Variants in CEP85 observed in about 807,000 individuals in gnomAD.
CEP85 encodes the protein centrosomal protein 85.
CEP85 carries 58 observed loss-of-function variants against 93.7 expected under a neutral mutation model. The ratio of observed to expected loss-of-function variants is 0.62; its 90% CI spans 0.50 to 0.77. The LOEUF (loss-of-function observed/expected upper bound fraction) is 0.77. Among genes scored for constraint, CEP85 ranks in the 30% least tolerant of loss-of-function variants. The probability of loss-of-function intolerance (pLI) is 0.00; values close to 1 mark genes in which losing one functional copy is unlikely to be tolerated. For synonymous variants in CEP85, 314 were observed against 338.6 expected (o/e 0.93, Z 0.80); for missense variants, 868 against 922.0 (o/e 0.94, Z 0.76).
At chr1:26,254,175 C>T (rs2089660686) in intron 3 of CEP85, among the ~76,000 whole-genome samples, 1 of 152,182 alleles carries the variant, frequency 6.6e-6, no homozygotes, top group South Asian at 2.1e-4. Context: ...GGAACGAGTA[C>T]TGAATATAGT....
At chr1:26,257,307 T>C (rs950982609) in intron 4 of CEP85, among the ~76,000 whole-genome samples, 1 of 152,168 alleles carries the variant, frequency 6.6e-6, no homozygotes, top group Non-Finnish European at 1.5e-5. Context: ...CTTCCTTGGT[T>C]GGTGAGGACA....
chr1:26,246,227 G>A (rs1029367580), intron 3 of CEP85, among the ~76,000 whole-genome samples: 14 of 152,158 alleles, frequency 9.2e-5, no homozygotes, highest in African/African-American at 3.4e-4. Flanking sequence ...TTCCTGACCC[G>A]ATAGTTCTAC....
In CEP85 at chr1:26,255,367, C is replaced by G; in HGVS notation, c.405C>G (p.Leu135=). ...ESVGMTRNGD[L]GAMKHSPGLS... is the part of the protein sequence containing the mutation. ...TGGGAATGACAAGAAATGGAGACCT[C>G]GGTGCAATGAAACATTCTCCAGGCC... is the stretch of plus-strand genomic sequence containing the variant. Residue 135 remains leucine (L), a synonymous_variant, in exon 4 of 14, where the codon CTC becomes CTG. Coordinates refer to ENST00000451429, the MANE Select transcript of CEP85 (RefSeq NM_001319944.2). 1 of 1,614,040 alleles carries G rather than the reference C, an allele frequency of 6.2e-7. No individual in the cohort carries two copies. Among genetic ancestry groups the G allele is most frequent in the South Asian group, 1.1e-5 (1 of 91,066 alleles).
At chr1:26,254,144 G>A (rs563285427) in intron 3 of CEP85, among the ~76,000 whole-genome samples, 18 of 152,226 alleles carry the variant, frequency 1.2e-4, no homozygotes, top group Non-Finnish European at 2.2e-4. Context: ...GCTCTTCTCC[G>A]TGGTAGATAT....
rs933530885 is a variant in CEP85, at chr1:26,255,639, A to G, written c.677A>G (p.Lys226Arg). 6.2e-7 allele frequency: 1 copy of G among 1,614,126 alleles called. No homozygotes were observed. The highest frequency in any genetic ancestry group is 8.5e-7 in the Non-Finnish European group (1 of 1,180,028). ...TTGTACAGAGTGTTGCCTGAGGCCA[A>G]GAAGGCACCGGGCAGCGGGGCAGTG... ...KELYRVLPEA[K>R]KAPGSGAVFE... The change falls in exon 4 of 14, where the codon AAG (lysine) becomes AGG (arginine). Residue 226 changes from lysine to arginine, a missense_variant. Lys to Arg is a conservative substitution (Grantham distance 26). Coordinates refer to ENST00000451429, the MANE Select transcript of CEP85 (RefSeq NM_001319944.2).
intron 2 of CEP85, 23 bp from the exon 3 acceptor site, chr1:26,244,143 G>T (rs1341422537): frequency 6.2e-7 from 1 of 1,609,666 alleles, no homozygotes; most frequent in South Asian, 1.1e-5. Context: ...CACAGTAAAG[G>T]TGGGAAATGC....
At chr1:26,250,925 CTTTTTTCTTTTTTTTTT>C (rs2089599772) in intron 3 of CEP85, among the ~76,000 whole-genome samples, 3 of 55,160 alleles carry the variant, frequency 5.4e-5, no homozygotes, top group Admixed American at 2.4e-4. Context: ...TTTTTTTTTT[CTTTTTTCTTTTTTTTTT>C]TTTTTTTTTT....
intron 7 of CEP85, among the ~76,000 whole-genome samples, chr1:26,263,592 C>T (rs1032866944): frequency 1.3e-5 from 2 of 152,028 alleles, no homozygotes; most frequent in African/African-American, 4.8e-5. Context: ...GTGGGAGAAT[C>T]ACTCACTGGA....
intron 11 of CEP85, among the ~76,000 whole-genome samples, chr1:26,274,361 C>T (rs942183006): frequency 6.6e-6 from 1 of 152,122 alleles, no homozygotes; most frequent in African/African-American, 2.4e-5. Context: ...AGTAAGTGCT[C>T]GGTAAATAGT....
intron 1 of CEP85, among the ~76,000 whole-genome samples, chr1:26,236,093 T>C (rs1470316050): frequency 2.0e-5 from 3 of 152,230 alleles, no homozygotes; most frequent in Non-Finnish European, 4.4e-5. Context: ...TTGTGTTTTG[T>C]CACATGTAGA....
At chr1:26,269,680 C>A in intron 9 of CEP85, 66 bp downstream of exon 9, 1 of 1,306,782 alleles carries the variant, frequency 7.7e-7, no homozygotes, top group Non-Finnish European at 1.1e-6. Flanking sequence ...ATCCTGCTCA[C>A]TTACCTGTGT....
In CEP85 at chr1:26,255,233, A is replaced by G. The variant is rs765426566; in HGVS notation, c.271A>G (p.Thr91Ala). The part of the protein sequence containing the change: ...QPIKSHVTIP[T>A]AHVMPSTLGT... ...CATCAAAAGCCACGTAACCATTCCA[A>G]CAGCCCATGTGATGCCTTCTACTTT... is the stretch of plus-strand genomic sequence containing the variant. The change falls in exon 4 of 14, where the codon ACA (threonine) becomes GCA (alanine). Residue 91 changes from threonine to alanine, a missense_variant. By Grantham distance (58) the Thr-to-Ala change is moderately conservative. Transcript: ENST00000451429. The G allele has an allele frequency of 6.8e-6, 11 of 1,614,102 alleles. 1 individual carries two copies. Among genetic ancestry groups the G allele is most frequent in the South Asian group, 1.1e-5 (1 of 91,078 alleles).
chr1:26,237,504 A>G (rs1437648553), intron 1 of CEP85, among the ~76,000 whole-genome samples: 2 of 152,136 alleles, frequency 1.3e-5, no homozygotes, highest in African/African-American at 2.4e-5. Context: ...GTGTTCATCC[A>G]TGTTGTCACA....
intron 2 of CEP85, 149 bp from the exon 3 acceptor site, chr1:26,244,017 A>AAC: frequency 2.1e-6 from 1 of 484,652 alleles, no homozygotes. Flanking sequence ...AAAAAAAAAA[A>AAC]CTAGATCGGA....
intron 7 of CEP85, among the ~76,000 whole-genome samples, chr1:26,266,147 T>G (rs1164624332): frequency 6.6e-6 from 1 of 151,374 alleles, no homozygotes; most frequent in Non-Finnish European, 1.5e-5. Flanking sequence ...AGGTGGAGGT[T>G]CCAGTGAGCT....
intron 10 of CEP85, chr1:26,271,693 A>G (rs1053385624): frequency 3.2e-6 from 1 of 316,536 alleles, no homozygotes; most frequent in Non-Finnish European, 5.9e-6. Context: ...CCTTGTACCA[A>G]AGAACAAGAG....
At chr1:26,244,458 C>T in intron 3 of CEP85, 140 bp downstream of exon 3, 1 of 743,908 alleles carries the variant, frequency 1.3e-6, no homozygotes, top group Non-Finnish European at 2.2e-6. Flanking sequence ...GTCTCTCATT[C>T]TTCTTACCCT....
intron 2 of CEP85, among the ~76,000 whole-genome samples, chr1:26,241,035 T>G (rs181090846): frequency 6.6e-6 from 1 of 152,134 alleles, no homozygotes; most frequent in Admixed American, 6.5e-5. Context: ...TTTAGAAAAA[T>G]GACTTGTTGA....
intron 3 of CEP85, among the ~76,000 whole-genome samples, chr1:26,245,365 T>C (rs1255252557): frequency 6.6e-6 from 1 of 152,072 alleles, no homozygotes; most frequent in African/African-American, 2.4e-5. Context: ...TGGGGCTCTT[T>C]TTTTCCTTCT....
Sources: allele counts gnomAD v4.1 joint callset (sites outside exome capture counted in the v4.1 genomes callset), GRCh38; gene constraint gnomAD v4.1.1; transcripts MANE v1.5; gene names NCBI Gene and HGNC (gene_info 2026-07-23, HGNC 2026-07-21).